The following NDST3 variants were observed in gnomAD, a reference collection of about 807,000 sequenced individuals.
NDST3 encodes the protein bifunctional heparan sulfate N-deacetylase/N-sulfotransferase 3.
NDST3 carries 58 observed loss-of-function variants against 96.1 expected under a neutral mutation model. The ratio of observed to expected loss-of-function variants is 0.60; its 90% CI spans 0.49 to 0.75. NDST3 has a LOEUF of 0.75. Among genes scored for constraint, NDST3 ranks in the 30% least tolerant of loss-of-function variants. NDST3 has a pLI of 0.00. For missense variants in NDST3, 788 were observed against 1,034.2 expected (o/e 0.76, Z 3.27); for synonymous variants, 333 against 359.7 (o/e 0.93, Z 0.84).
At chr4:118,120,505 G>C (rs1419670523) in intron 4 of NDST3, among the ~76,000 whole-genome samples, 1 of 152,138 alleles carries the variant, frequency 6.6e-6, no homozygotes, top group East Asian at 1.9e-4. Context: ...TTAGATCAAA[G>C]AGATAGTTGC....
intron 8 of NDST3, among the ~76,000 whole-genome samples, chr4:118,231,197 A>C (rs1164328187): frequency 6.6e-6 from 1 of 151,802 alleles, no homozygotes; most frequent in East Asian, 1.9e-4. Context: ...TTAGCTGGGC[A>C]TGGTGGCAGG....
chr4:118,215,369 A>T (rs1020355332), intron 6 of NDST3, among the ~76,000 whole-genome samples: 1 of 152,148 alleles, frequency 6.6e-6, no homozygotes, highest in African/African-American at 2.4e-5. Flanking sequence ...TGGTTAACCC[A>T]ATGACTACCA....
intron 6 of NDST3, among the ~76,000 whole-genome samples, chr4:118,186,821 T>A (rs1736991751): frequency 6.6e-6 from 1 of 152,222 alleles, no homozygotes; most frequent in South Asian, 2.1e-4. Flanking sequence ...ATTTTGGGTT[T>A]CTAGTTTCAG....
At chr4:118,111,515 T>G (rs1451262262) in intron 3 of NDST3, among the ~76,000 whole-genome samples, 2 of 147,736 alleles carry the variant, frequency 1.4e-5, no homozygotes, top group Non-Finnish European at 3.0e-5. Context: ...TAATTACACT[T>G]CAACTAATTT....
At chr4:118,138,281 A>T (rs1416026452) in intron 5 of NDST3, 42 bp downstream of exon 5, 5 of 1,500,122 alleles carry the variant, frequency 3.3e-6, no homozygotes, top group Non-Finnish European at 4.5e-6. Context: ...CTAATTCTGC[A>T]AGATTTCATT....
At chr4:118,169,000 T>C (rs1468854569) in intron 6 of NDST3, among the ~76,000 whole-genome samples, 2 of 152,176 alleles carry the variant, frequency 1.3e-5, no homozygotes, top group East Asian at 3.9e-4. Context: ...AATTTTCAAT[T>C]ATGCAAGATG....
rs1278678154 is a variant in NDST3, at chr4:118,231,952, A to G, written c.1820-1060A>G. On this transcript the variant is annotated intron_variant, in intron 8 of 13. Transcript: ENST00000296499. Reference sequence around the variant, plus strand: ...TGAAAAATCACACCCTTGCTCCCCAATAGTCACAAATATATATACGTACCT... The same window carrying G: ...TGAAAAATCACACCCTTGCTCCCCAGTAGTCACAAATATATATACGTACCT... Among the ~76,000 whole-genome samples, 5 of 152,288 alleles carry G rather than the reference A, an allele frequency of 3.3e-5. No homozygotes were observed. In the South Asian group the frequency reaches 1.0e-3, roughly 32 times the overall value.
chr4:118,099,392 A>G (rs1729595264), intron 2 of NDST3, among the ~76,000 whole-genome samples: 1 of 152,146 alleles, frequency 6.6e-6, no homozygotes, highest in Admixed American at 6.5e-5. Flanking sequence ...TTCCTAGGTG[A>G]AAGCTCATAG....
intron 3 of NDST3, among the ~76,000 whole-genome samples, chr4:118,113,419 G>C (rs1036605580): frequency 1.3e-5 from 2 of 152,184 alleles, no homozygotes; most frequent in African/African-American, 4.8e-5. Flanking sequence ...TGAAACTGAA[G>C]ACTGCCCTTG....
chr4:118,157,857 A>G (rs1376409333), intron 6 of NDST3, among the ~76,000 whole-genome samples: 1 of 152,258 alleles, frequency 6.6e-6, no homozygotes, highest in Non-Finnish European at 1.5e-5. Flanking sequence ...TGTATGTAAT[A>G]TATTACACAA....
chr4:118,079,781 G>A (rs543809381), intron 2 of NDST3, among the ~76,000 whole-genome samples: 4 of 152,322 alleles, frequency 2.6e-5, no homozygotes, highest in East Asian at 3.9e-4. Flanking sequence ...GTCCAGGCAG[G>A]TGGCTACTGA....
intron 6 of NDST3, among the ~76,000 whole-genome samples, chr4:118,220,847 T>G (rs17515832): frequency 0.11 from 17,303 of 152,038 alleles, 1,325 homozygotes; most frequent in South Asian, 0.2. Flanking sequence ...CATGCTTGCT[T>G]TTAAAATGTG....
intron 2 of NDST3, among the ~76,000 whole-genome samples, chr4:118,065,859 T>TC (rs1048002911): frequency 2.0e-5 from 3 of 150,628 alleles, no homozygotes; most frequent in African/African-American, 4.9e-5. Flanking sequence ...TGTACCTTTT[T>TC]CCCCCCTTCA....
In NDST3 at chr4:118,258,458, G is replaced by T. The variant is rs1351652976; in HGVS notation, c.*2746G>T. ...TGTTTAAAATATGAAACTTCCTCAG[G>T]AAGAAATGAAATGGTTATTTCAATG... On this transcript the variant is annotated 3_prime_UTR_variant, in exon 14 of 14. Coordinates refer to ENST00000296499, the MANE Select transcript of NDST3 (RefSeq NM_004784.3). 6.6e-6 allele frequency: 1 copy of T among 152,112 alleles called. No homozygotes were observed. The highest frequency in any genetic ancestry group is 1.5e-5 in the Non-Finnish European group (1 of 67,998). 9.4% of individuals were successfully genotyped at this position (152,112 alleles called of 1,614,324 possible).
intron 6 of NDST3, among the ~76,000 whole-genome samples, chr4:118,165,030 G>C (rs1157501299): frequency 6.6e-6 from 1 of 151,970 alleles, no homozygotes; most frequent in Non-Finnish European, 1.5e-5. Flanking sequence ...GGACAGAAAA[G>C]CCTCAAGACA....
intron 2 of NDST3, among the ~76,000 whole-genome samples, chr4:118,097,696 A>G (rs970294547): frequency 6.6e-6 from 1 of 152,002 alleles, no homozygotes; most frequent in Non-Finnish European, 1.5e-5. Flanking sequence ...TTGAAATCAA[A>G]TGTTTTCTAA....
rs562638206 is a variant in NDST3, at chr4:118,147,645, C to A, written c.1539+3961C>A. On this transcript the variant is annotated intron_variant, in intron 6 of 13. Transcript: ENST00000296499. ...TATACTTAGACAAAAGGAACTAGTA[C>A]GACTATAGTGTTCATTTTAACAAGT... Among the ~76,000 whole-genome samples, 69 of 152,218 alleles carry A rather than the reference C, an allele frequency of 4.5e-4. 2 individuals are homozygous for A. The South Asian group carries it at 0.013, about 30-fold the overall frequency.
At chr4:118,099,921 C>T (rs1316449902) in intron 2 of NDST3, among the ~76,000 whole-genome samples, 1 of 151,994 alleles carries the variant, frequency 6.6e-6, no homozygotes, top group Non-Finnish European at 1.5e-5. Context: ...CATGGTGCTC[C>T]AGTGTCCTGC....
chr4:118,173,127 CAT>C (rs886324000), intron 6 of NDST3, among the ~76,000 whole-genome samples: 5 of 106,214 alleles, frequency 4.7e-5, no homozygotes, highest in Admixed American at 1.3e-4. Context: ...CTCTATGAGG[CAT>C]ATATATGTGT....
Sources: gnomAD v4.1 joint callset for allele counts (sites outside exome capture counted in the v4.1 genomes callset) on GRCh38, gnomAD v4.1.1 for gene constraint, MANE v1.5 for transcripts, NCBI Gene and HGNC (gene_info 2026-07-23, HGNC 2026-07-21) for gene names.